The following UGT1A9 variants were observed in gnomAD, a reference collection of about 807,000 sequenced individuals.
The protein encoded by UGT1A9 is UDP-glucuronosyltransferase 1A9.
A neutral mutation model predicts 45.0 loss-of-function variants in UGT1A9; 35 were observed. The ratio of observed to expected loss-of-function variants is 0.78; its 90% CI spans 0.59 to 1.03. UGT1A9 has a LOEUF of 1.03. UGT1A9 is among the 50% of genes least tolerant of loss of function. UGT1A9 has a pLI of 0.00. For missense variants in UGT1A9, 687 were observed against 666.6 expected (o/e 1.03, Z -0.34); for synonymous variants, 278 against 250.6 (o/e 1.11, Z -1.03).
At chr2:233,673,506 C>T (rs1283717697) in intron 1 of UGT1A9, among the ~76,000 whole-genome samples, 1 of 152,044 alleles carries the variant, frequency 6.6e-6, no homozygotes, top group Non-Finnish European at 1.5e-5. Flanking sequence ...TGACTAGAGC[C>T]CTACATGTAG....
At chr2:233,760,437 G>A (rs1351570136) in intron 1 of UGT1A9, 1 of 1,614,104 alleles carries the variant, frequency 6.2e-7, no homozygotes, top group East Asian at 2.2e-5. Flanking sequence ...TCCAGCAGCT[G>A]CAGCAGAGGG....
intron 1 of UGT1A9, among the ~76,000 whole-genome samples, chr2:233,724,108 C>G (rs1455095780): frequency 1.8e-5 from 1 of 55,862 alleles, no homozygotes. Flanking sequence ...TAGGGGCGGC[C>G]GGGCAGAGGC....
chr2:233,743,498 G>A (rs1452384888), intron 1 of UGT1A9: 3 of 1,367,176 alleles, frequency 2.2e-6, no homozygotes, highest in Middle Eastern at 2.1e-4. Context: ...GCAGAGAAAA[G>A]GGGTGCAGAC....
chr2:233,692,752 G>A, intron 1 of UGT1A9: 8 of 1,127,222 alleles, frequency 7.1e-6, no homozygotes, highest in Non-Finnish European at 9.3e-6. Flanking sequence ...AAGCAGACTT[G>A]TGGAGCTGAA....
intron 1 of UGT1A9, among the ~76,000 whole-genome samples, chr2:233,765,710 AT>A (rs1243221658): frequency 7.2e-6 from 1 of 138,280 alleles, no homozygotes; most frequent in East Asian, 2.2e-4. Context: ...AATAATAATA[AT>A]TAATAATAAT....
chr2:233,696,741 G>A (rs2075357541), intron 1 of UGT1A9, among the ~76,000 whole-genome samples: 1 of 152,080 alleles, frequency 6.6e-6, no homozygotes, highest in African/African-American at 2.4e-5. Context: ...ACCCTTTTCA[G>A]TATGATGTTA....
intron 1 of UGT1A9, among the ~76,000 whole-genome samples, chr2:233,674,497 C>T (rs2074286832): frequency 6.6e-6 from 1 of 152,154 alleles, no homozygotes; most frequent in Non-Finnish European, 1.5e-5. Flanking sequence ...CCTGAACCCA[C>T]ACTGAATTTA....
At chr2:233,674,552 C>T (rs1230219816) in intron 1 of UGT1A9, among the ~76,000 whole-genome samples, 1 of 151,992 alleles carries the variant, frequency 6.6e-6, no homozygotes, top group Admixed American at 6.6e-5. Context: ...GATATAAAAA[C>T]CTATATATGA....
In UGT1A9 at chr2:233,717,706, G is replaced by C. The variant is rs578061394; in HGVS notation, c.855+44917G>C. On this transcript the variant is annotated intron_variant, in intron 1 of 4. Transcript: ENST00000354728. The stretch of plus-strand genomic sequence containing the variant: ...TAGGAGTGACTTTCTGGAGCAGGAC[G>C]AGCCTCATGGGCATGAGACCATTGT... The C allele has an allele frequency of 8.4e-4, 379 of 451,272 alleles. 6 individuals carry two copies. The highest frequency in any genetic ancestry group is 5.8e-3 in the South Asian group (371 of 64,162). 28.0% of individuals were successfully genotyped at this position (451,272 alleles called of 1,614,324 possible). A position where few individuals can be genotyped will look rare whatever the true frequency, so the allele number is the denominator to read the frequency against.
intron 1 of UGT1A9, chr2:233,713,028 G>A (rs1164174226): frequency 1.9e-6 from 3 of 1,613,750 alleles, no homozygotes; most frequent in African/African-American, 1.3e-5. Flanking sequence ...GCCGCAGCTG[G>A]CCACAGGACT....
chr2:233,743,932 C>T (rs927230635), intron 1 of UGT1A9: 9 of 1,358,952 alleles, frequency 6.6e-6, no homozygotes, highest in African/African-American at 5.9e-5. Flanking sequence ...ATGGCCAGAA[C>T]GGCCCACCAG....
chr2:233,729,418 C>A, intron 1 of UGT1A9: 1 of 1,613,756 alleles, frequency 6.2e-7, no homozygotes, highest in Middle Eastern at 1.6e-4. Context: ...GGGCCACACT[C>A]AACTGTACTT....
chr2:233,718,890 C>G, intron 1 of UGT1A9: 1 of 1,613,968 alleles, frequency 6.2e-7, no homozygotes. Flanking sequence ...CAGTGTCCAG[C>G]CCTGGGCTGA....
intron 1 of UGT1A9, among the ~76,000 whole-genome samples, chr2:233,726,689 C>T (rs1298047788): frequency 2.0e-5 from 3 of 152,182 alleles, no homozygotes; most frequent in Non-Finnish European, 2.9e-5. Flanking sequence ...CCACCTGTAA[C>T]GGAACATATT....
chr2:233,693,665 C>G, intron 1 of UGT1A9: 1 of 1,614,238 alleles, frequency 6.2e-7, no homozygotes, highest in Non-Finnish European at 8.5e-7. Context: ...GGAGCCCTAT[C>G]TATTTTATTG....
At chr2:233,762,731 G>A (rs574048851) in intron 1 of UGT1A9, among the ~76,000 whole-genome samples, 140 of 149,512 alleles carry the variant, frequency 9.4e-4, no homozygotes, top group African/African-American at 3.3e-3. Context: ...TTTTTTTTTG[G>A]TCACTACTGT....
At chr2:233,763,415 C>T (rs1277371697) in intron 1 of UGT1A9, among the ~76,000 whole-genome samples, 1 of 152,156 alleles carries the variant, frequency 6.6e-6, no homozygotes, top group Non-Finnish European at 1.5e-5. Flanking sequence ...ATTTTTAATC[C>T]AGTCAGGCAG....
At chr2:233,689,794 G>A (rs867231935) in intron 1 of UGT1A9, 1 of 429,096 alleles carries the variant, frequency 2.3e-6, no homozygotes. Flanking sequence ...GATGTGATCT[G>A]TAGTTTCTAT....
At chr2:233,729,975 C>T in intron 1 of UGT1A9, 1 of 1,614,046 alleles carries the variant, frequency 6.2e-7, no homozygotes, top group Non-Finnish European at 8.5e-7. Context: ...ACTGTGCCAA[C>T]AGGAAGCCAC....
Sources: allele counts gnomAD v4.1 joint callset (sites outside exome capture counted in the v4.1 genomes callset), GRCh38; gene constraint gnomAD v4.1.1; transcripts MANE v1.5; gene names NCBI Gene and HGNC (gene_info 2026-07-23, HGNC 2026-07-21).